The following SNX18 variants were observed in gnomAD, a reference collection of about 807,000 sequenced individuals.
SNX18 encodes the protein sorting nexin-18.
SNX18 carries 35 observed loss-of-function variants against 48.7 expected under a neutral mutation model. The observed-to-expected ratio is 0.72, with a 90% confidence interval of 0.55 to 0.95. SNX18 has a LOEUF of 0.95. Among genes scored for constraint, SNX18 ranks in the 40% least tolerant of loss-of-function variants. The pLI is 0.00. For missense variants in SNX18, 824 were observed against 871.0 expected (o/e 0.95, Z 0.68); for synonymous variants, 492 against 384.7 (o/e 1.28, Z -3.26).
the SNX18 span, among the ~76,000 whole-genome samples, chr5:54,646,779 C>G: frequency 6.6e-6 from 1 of 152,186 alleles, no homozygotes; most frequent in African/African-American, 2.4e-5. Flanking sequence ...TACCATAGTT[C>G]CCTCCACCCA....
intron 1 of SNX18, among the ~76,000 whole-genome samples, chr5:54,538,655 A>G (rs1013875300): frequency 6.6e-6 from 1 of 152,250 alleles, no homozygotes; most frequent in African/African-American, 2.4e-5. Flanking sequence ...AGTATTTTAT[A>G]AGAGTCAACT....
chr5:54,561,805 G>A, the SNX18 span, among the ~76,000 whole-genome samples: 10 of 152,218 alleles, frequency 6.6e-5, no homozygotes, highest in African/African-American at 2.2e-4. Flanking sequence ...CATATGCAGG[G>A]CCTTTTGACT....
chr5:54,519,182 C>G lies in SNX18; in HGVS notation c.1230C>G (p.Thr410=). The part of the protein sequence containing the change: ...DEMVGANFFL[T]LSTPPAAALD... ...TGGTGGGCGCCAACTTCTTCCTGAC[C>G]CTTAGCACGCCCCCCGCCGCTGCCC... Residue 410 remains threonine (T), a synonymous_variant, in exon 1 of 2, where the codon ACC becomes ACG. Transcript: ENST00000381410. 6.2e-7 allele frequency: 1 copy of G among 1,613,794 alleles called. No individual in the cohort carries two copies. The highest frequency in any genetic ancestry group is 8.5e-7 in the Non-Finnish European group (1 of 1,179,842).
At chr5:54,573,368 G>A in the SNX18 span, among the ~76,000 whole-genome samples, 3 of 152,096 alleles carry the variant, frequency 2.0e-5, no homozygotes, top group South Asian at 4.2e-4. Flanking sequence ...TTTCTTGCGC[G>A]AGATCCAAGA....
At chr5:54,570,785 G>C in the SNX18 span, among the ~76,000 whole-genome samples, 1 of 152,214 alleles carries the variant, frequency 6.6e-6, no homozygotes, top group Non-Finnish European at 1.5e-5. Flanking sequence ...TTTTAAGAGA[G>C]TCTTGGCTCT....
chr5:54,581,813 TC>T, the SNX18 span, among the ~76,000 whole-genome samples: 1 of 152,196 alleles, frequency 6.6e-6, no homozygotes, highest in Non-Finnish European at 1.5e-5. Context: ...TAATCTCTGT[TC>T]AGTGAATTGT....
At chr5:54,550,837 G>A (rs564306811), downstream of SNX18, among the ~76,000 whole-genome samples, 4 of 152,154 alleles carry the variant, frequency 2.6e-5, no homozygotes, top group South Asian at 2.1e-4. Flanking sequence ...CACCTGCGTC[G>A]GCCTCCCAAA....
the SNX18 span, among the ~76,000 whole-genome samples, chr5:54,619,474 T>G: frequency 6.6e-6 from 1 of 152,160 alleles, no homozygotes; most frequent in African/African-American, 2.4e-5. Flanking sequence ...ATCACATCAC[T>G]GCACTCCAGC....
the SNX18 span, among the ~76,000 whole-genome samples, chr5:54,595,586 T>C: frequency 6.6e-6 from 1 of 152,210 alleles, no homozygotes; most frequent in South Asian, 2.1e-4. Context: ...GTGGCTAAAC[T>C]AATTTACATT....
the SNX18 span, among the ~76,000 whole-genome samples, chr5:54,572,814 G>A: frequency 3.3e-5 from 3 of 89,804 alleles, no homozygotes; most frequent in East Asian, 1.2e-3. Flanking sequence ...TTTTTTCTGA[G>A]ACAGAGTATC....
chr5:54,646,497 G>C, the SNX18 span, among the ~76,000 whole-genome samples: 1 of 152,246 alleles, frequency 6.6e-6, no homozygotes, highest in Non-Finnish European at 1.5e-5. Context: ...GGGGAGACAG[G>C]AGAGGCTTGA....
chr5:54,596,238 T>TAG, the SNX18 span, among the ~76,000 whole-genome samples: 2 of 151,916 alleles, frequency 1.3e-5, no homozygotes, highest in Non-Finnish European at 2.9e-5. Context: ...TCTTATGATG[T>TAG]TATTTGAAAA....
At chr5:54,573,761 T>A in the SNX18 span, among the ~76,000 whole-genome samples, 4,265 of 152,214 alleles carry the variant, frequency 0.028, 192 homozygotes, top group African/African-American at 0.098. Flanking sequence ...GCAGTAGGCC[T>A]GGGACTGAGC....
the SNX18 span, chr5:54,644,476 G>T: frequency 3.3e-5 from 5 of 152,212 alleles, no homozygotes; most frequent in African/African-American, 1.2e-4. Context: ...AGTAGAGATT[G>T]CTGGCATCTA....
At chr5:54,532,696 A>G (rs1292561455) in intron 1 of SNX18, among the ~76,000 whole-genome samples, 2 of 152,208 alleles carry the variant, frequency 1.3e-5, no homozygotes, top group African/African-American at 4.8e-5. Flanking sequence ...TCCTGAAACT[A>G]TCACCCTAGT....
rs1420566329 is a variant in SNX18 at position 54,519,354 on chromosome 5, GGCCAGTCCTTCCGCGGCCTCA to G, written c.1408_1428del (p.Ser470_Gln476del). ...CTTCAAAAAGGAGTATCAGAAGGTG[GGCCAGTCCTTCCGCGGCCTCA>G]GCCAGGCCTTTGAGCTGGACCAGCA... On this transcript the variant is annotated inframe_deletion, in exon 1 of 2. Transcript: ENST00000381410. 1 of 1,613,292 alleles carries G rather than the reference GGCCAGTCCTTCCGCGGCCTCA, an allele frequency of 6.2e-7. No homozygotes were observed.
chr5:54,531,483 C>T (rs1005828066), intron 1 of SNX18, among the ~76,000 whole-genome samples: 19 of 152,280 alleles, frequency 1.2e-4, no homozygotes, highest in African/African-American at 3.9e-4. Context: ...ACCAAAGCCA[C>T]GTGTTGTCTA....
chr5:54,643,067 G>C, the SNX18 span, among the ~76,000 whole-genome samples: 2 of 152,068 alleles, frequency 1.3e-5, no homozygotes, highest in African/African-American at 4.8e-5. Context: ...TAACATTAAT[G>C]CTGTTGTTGT....
the SNX18 span, among the ~76,000 whole-genome samples, chr5:54,633,175 A>C: frequency 6.6e-6 from 1 of 152,172 alleles, no homozygotes; most frequent in Non-Finnish European, 1.5e-5. Flanking sequence ...ATCGGAGGAT[A>C]GAAACTGAGA....
Sources: gnomAD v4.1 joint callset for allele counts (sites outside exome capture counted in the v4.1 genomes callset) on GRCh38, gnomAD v4.1.1 for gene constraint, MANE v1.5 for transcripts, NCBI Gene and HGNC (gene_info 2026-07-23, HGNC 2026-07-21) for gene names.